SLC12A2: variants seen among roughly 807,000 people sequenced by gnomAD.
SLC12A2 encodes Na-K-2Cl cotransporter 1.
In SLC12A2, 67 loss-of-function variants were observed where a neutral mutation model predicts 136.3. That is an observed-to-expected ratio of 0.49 (90% confidence interval 0.40 to 0.60). SLC12A2 has a LOEUF of 0.60. Among genes scored for constraint, SLC12A2 ranks in the 20% least tolerant of loss-of-function variants. The pLI is 0.00. For missense variants in SLC12A2, 1,322 were observed against 1,534.7 expected (o/e 0.86, Z 2.32); for synonymous variants, 619 against 562.9 (o/e 1.10, Z -1.41).
chr5:128,162,766 A>T (rs1285207256), intron 17 of SLC12A2, among the ~76,000 whole-genome samples: 7 of 152,160 alleles, frequency 4.6e-5, no homozygotes, highest in Admixed American at 6.5e-5. Context: ...TAAAAGCACA[A>T]TATACTCTTA....
Position 128,186,658 on chromosome 5 carries a change from A to G in SLC12A2, c.*27A>G, listed in dbSNP as rs955055439. 14 of 1,612,126 alleles carry G rather than the reference A, an allele frequency of 8.7e-6. No homozygotes were observed. Among genetic ancestry groups the G allele is most frequent in the Non-Finnish European group, 1.1e-5 (13 of 1,178,700 alleles). Reference sequence around the variant, plus strand: ...TGTTCTATACAGTGGACAGCCCTCCAGAATGGTACTTCAGTGCCTAGTGTA... The same window carrying G: ...TGTTCTATACAGTGGACAGCCCTCCGGAATGGTACTTCAGTGCCTAGTGTA... On this transcript the variant is annotated 3_prime_UTR_variant, in exon 27 of 27. Transcript: ENST00000262461.
intron 1 of SLC12A2, among the ~76,000 whole-genome samples, chr5:128,092,096 G>A (rs1187106734): frequency 2.6e-5 from 4 of 151,954 alleles, no homozygotes; most frequent in Admixed American, 6.6e-5. Context: ...CTAATCATTA[G>A]AGACCTGCCC....
At chr5:128,157,942 T>C in intron 15 of SLC12A2, 111 bp from the exon 16 acceptor site, 1 of 760,402 alleles carries the variant, frequency 1.3e-6, no homozygotes, top group South Asian at 1.9e-5. Flanking sequence ...TCCTGTGGCC[T>C]GTGTCTTAAG....
Position 128,187,722 on chromosome 5 carries a change from G to A in SLC12A2, c.*1091G>A, listed in dbSNP as rs1311112631. The A allele has an allele frequency of 6.6e-6, 1 of 152,424 alleles. No individual in the cohort carries two copies. The highest frequency in any genetic ancestry group is 1.5e-5 in the Non-Finnish European group (1 of 67,980). The allele number at this position is 152,424 out of a possible 1,614,324, so 9.4% of individuals were successfully genotyped here. ...GTACACTTAGTCTTAATACACTCAG[G>A]TTTGAACAGATTATTCTGAATATTA... is the stretch of plus-strand genomic sequence containing the variant. On this transcript the variant is annotated 3_prime_UTR_variant, in exon 27 of 27. Transcript: ENST00000262461.
At chr5:128,159,558 G>GA (rs954876902) in intron 16 of SLC12A2, among the ~76,000 whole-genome samples, 3 of 151,928 alleles carry the variant, frequency 2.0e-5, no homozygotes, top group African/African-American at 7.3e-5. Flanking sequence ...AAATTTACAA[G>GA]AAAAAAACCA....
At chr5:128,168,073 CAT>C (rs567207843) in intron 18 of SLC12A2, 9,409 of 360,092 alleles carry the variant, frequency 0.026, 6 homozygotes, top group East Asian at 0.047. Flanking sequence ...TACATACATG[CAT>C]ATATATATAT....
At chr5:128,113,184 TATTAA>T (rs1761218291) in intron 2 of SLC12A2, among the ~76,000 whole-genome samples, 1 of 152,308 alleles carries the variant, frequency 6.6e-6, no homozygotes, top group East Asian at 1.9e-4. Context: ...TTACTGATGG[TATTAA>T]ATTATATTTC....
At chr5:128,128,016 C>G (rs1761882515) in intron 4 of SLC12A2, among the ~76,000 whole-genome samples, 1 of 152,146 alleles carries the variant, frequency 6.6e-6, no homozygotes, top group African/African-American at 2.4e-5. Context: ...AGGTATATCT[C>G]ACTAATTTTA....
intron 9 of SLC12A2, among the ~76,000 whole-genome samples, chr5:128,140,824 A>T (rs1762342043): frequency 6.6e-6 from 1 of 151,964 alleles, no homozygotes; most frequent in Non-Finnish European, 1.5e-5. Flanking sequence ...TTTCAGAGGT[A>T]CCTTTATGGA....
At chr5:128,169,852 G>A (rs557908578) in intron 18 of SLC12A2, 3 of 152,316 alleles carry the variant, frequency 2.0e-5, no homozygotes, top group Non-Finnish European at 4.4e-5. Context: ...GGGTCTTTCT[G>A]ACTCTGACTT....
In SLC12A2 at chr5:128,167,987, A is replaced by G. The variant is rs1763254096; in HGVS notation, c.2723+120A>G. On this transcript the variant is annotated intron_variant, in intron 18 of 26. Coordinates refer to ENST00000262461, the MANE Select transcript of SLC12A2 (RefSeq NM_001046.3). ...TCTTGTAATGGAAATATAAGAACGA[A>G]AAGAATCACACAAAGCATCTGGGTT... 6.9e-5 allele frequency: 40 copies of G among 578,028 alleles called. 1 individual carries two copies. The East Asian group carries it at 1.2e-3, about 17-fold the overall frequency. 35.8% of individuals were successfully genotyped at this position (578,028 alleles called of 1,614,324 possible).
In SLC12A2 at chr5:128,167,761, G is replaced by A; in HGVS notation, c.2617G>A (p.Ala873Thr). 6.3e-7 allele frequency: 1 copy of A among 1,593,020 alleles called. No individual in the cohort carries two copies. The highest frequency in any genetic ancestry group is 1.7e-4 in the Middle Eastern group (1 of 5,992). Residue 873 changes from alanine (A) to threonine (T), a missense_variant and splice_region_variant, in exon 18 of 27, where the codon GCT (alanine) becomes ACT (threonine). This residue lies in a region of SLC12A2 where 226 missense variants were observed against 210.4 expected (regional missense o/e 1.07). Coordinates refer to ENST00000262461, the MANE Select transcript of SLC12A2 (RefSeq NM_001046.3). ...LREGAQYLMQAAGLGRMKPNT... is the reference protein window; with the variant it reads ...LREGAQYLMQTAGLGRMKPNT... ...AAGTTATATTGACCCTATATTTTAG[G>A]CTGCTGGTCTTGGTCGTATGAAGCC...
At chr5:128,126,958 A>ATTT (rs1761819924) in intron 4 of SLC12A2, among the ~76,000 whole-genome samples, 1 of 28,528 alleles carries the variant, frequency 3.5e-5, no homozygotes, top group Non-Finnish European at 5.9e-5. Context: ...ATATATATAT[A>ATTT]TATATATATT....
intron 4 of SLC12A2, among the ~76,000 whole-genome samples, chr5:128,125,225 T>G (rs1047023943): frequency 6.6e-6 from 1 of 152,226 alleles, no homozygotes; most frequent in Non-Finnish European, 1.5e-5. Context: ...TGCTCGAGTC[T>G]TCTCACAGCT....
At chr5:128,111,717 A>C (rs1419948192) in intron 1 of SLC12A2, among the ~76,000 whole-genome samples, 1 of 150,962 alleles carries the variant, frequency 6.6e-6, no homozygotes, top group Non-Finnish European at 1.5e-5. Context: ...GTGAGCTGAG[A>C]TCGCGCCACT....
intron 1 of SLC12A2, among the ~76,000 whole-genome samples, chr5:128,106,336 C>G (rs1184233217): frequency 6.6e-6 from 1 of 152,080 alleles, no homozygotes; most frequent in Non-Finnish European, 1.5e-5. Flanking sequence ...TAATTGCACA[C>G]TTGAACCTCC....
Position 128,141,988 on chromosome 5 carries a change from A to G in SLC12A2, c.1773+7A>G, listed in dbSNP as rs776081861. Reference sequence around the variant, plus strand: ...CCTAATGAACAACTTCCAGGTGAGCATTGACTTTGTAATATACAGACATTC... The same window carrying G: ...CCTAATGAACAACTTCCAGGTGAGCGTTGACTTTGTAATATACAGACATTC... On this transcript the variant is annotated splice_region_variant and intron_variant, in intron 10 of 26. Coordinates refer to ENST00000262461, the MANE Select transcript of SLC12A2 (RefSeq NM_001046.3). 4.3e-6 allele frequency: 7 copies of G among 1,612,584 alleles called. No individual in the cohort carries two copies. In the South Asian group the frequency reaches 6.6e-5, roughly 15 times the overall value.
intron 10 of SLC12A2, among the ~76,000 whole-genome samples, chr5:128,144,565 CT>C (rs976332085): frequency 2.6e-5 from 4 of 152,110 alleles, no homozygotes; most frequent in Non-Finnish European, 5.9e-5. Flanking sequence ...CCTCTAAAAC[CT>C]TTGACTCACT....
At chr5:128,161,296 A>G (rs1175365194) in intron 16 of SLC12A2, among the ~76,000 whole-genome samples, 2 of 152,218 alleles carry the variant, frequency 1.3e-5, no homozygotes, top group Non-Finnish European at 2.9e-5. Flanking sequence ...GGAGTAACAA[A>G]AACAAAACTA....
Sources: allele counts gnomAD v4.1 joint callset (sites outside exome capture counted in the v4.1 genomes callset), GRCh38; gene constraint gnomAD v4.1.1; regional missense constraint gnomAD v4.1.1; transcripts MANE v1.5; gene names NCBI Gene and HGNC (gene_info 2026-07-23, HGNC 2026-07-21).